RNF169: variants seen among roughly 807,000 people sequenced by gnomAD.
RNF169 encodes ring finger protein 169, also known as E3 ubiquitin-protein ligase RNF169.
Under a neutral mutation model 53.9 loss-of-function variants are expected in RNF169, and 24 were observed. The ratio of observed to expected loss-of-function variants is 0.45; its 90% CI spans 0.32 to 0.63. RNF169 has a LOEUF of 0.63. Ranked by LOEUF, RNF169 falls within the 20% of genes least tolerant of loss-of-function variation. The pLI is 0.04. For missense variants in RNF169, 883 were observed against 906.2 expected (o/e 0.97, Z 0.33); for synonymous variants, 396 against 363.5 (o/e 1.09, Z -1.02).
chr11:74,824,916 A>C (rs2036070664), intron 4 of RNF169, among the ~76,000 whole-genome samples: 1 of 152,216 alleles, frequency 6.6e-6, no homozygotes, highest in South Asian at 2.1e-4. Flanking sequence ...TAAGAGGAGG[A>C]GATTGGGAGA....
intron 1 of RNF169, among the ~76,000 whole-genome samples, chr11:74,759,127 T>G (rs1267103970): frequency 8.5e-6 from 1 of 117,190 alleles, no homozygotes; most frequent in Admixed American, 1.0e-4. Context: ...TGTTGGTGTA[T>G]AAGAATGCTT....
chr11:74,841,046 T>C lies in RNF169; in HGVS notation c.*4316T>C, dbSNP rs2036458357. 6.6e-6 allele frequency: 1 copy of C among 152,112 alleles called. No homozygotes were observed. The highest frequency in any genetic ancestry group is 1.9e-4 in the East Asian group (1 of 5,196). The allele number at this position is 152,112 out of a possible 1,614,324, so 9.4% of individuals were successfully genotyped here. The stretch of plus-strand genomic sequence containing the variant: ...GCTCAGGTAGAGAAAGTCTCCATAG[T>C]ATAAGTAAGTAATATGAATGTGGAA... On this transcript the variant is annotated 3_prime_UTR_variant, in exon 6 of 6. Coordinates refer to ENST00000299563, the MANE Select transcript of RNF169 (RefSeq NM_001098638.2).
At chr11:74,835,003 GAC>G (rs1467535302) in intron 5 of RNF169, among the ~76,000 whole-genome samples, 1 of 151,908 alleles carries the variant, frequency 6.6e-6, no homozygotes, top group Non-Finnish European at 1.5e-5. Context: ...TTTTTTAAGA[GAC>G]AGAGTCTCAC....
Position 74,840,545 on chromosome 11 carries a change from A to G in RNF169, c.*3815A>G, listed in dbSNP as rs1347413735. The G allele has an allele frequency of 6.6e-6, 1 of 152,198 alleles. No individual in the cohort carries two copies. The highest frequency in any genetic ancestry group is 1.5e-5 in the Non-Finnish European group (1 of 68,040). The allele number at this position is 152,198 out of a possible 1,614,324, so 9.4% of individuals were successfully genotyped here. On this transcript the variant is annotated 3_prime_UTR_variant, in exon 6 of 6. Coordinates refer to ENST00000299563, the MANE Select transcript of RNF169 (RefSeq NM_001098638.2). ...GTGAGGTGGGTTGTGGATCACTGAC[A>G]TGGTCAGGGGAGGCCCACACCTCAA...
At chr11:74,788,551 C>G (rs1410667677) in intron 1 of RNF169, among the ~76,000 whole-genome samples, 1 of 152,078 alleles carries the variant, frequency 6.6e-6, no homozygotes, top group Non-Finnish European at 1.5e-5. Flanking sequence ...CACCACCACA[C>G]CCAGCTAATT....
chr11:74,817,778 T>C (rs1006427790), intron 4 of RNF169, 64 bp downstream of exon 4: 2 of 993,982 alleles, frequency 2.0e-6, no homozygotes, highest in African/African-American at 3.2e-5. Flanking sequence ...TAAAAGGGAC[T>C]GGGGGAGCAA....
rs773233398 is a variant in RNF169 at position 74,835,855 on chromosome 11, C to T, written c.1252C>T (p.Leu418=). ...AACTCCACGCAACCTAAACAGAAGCCTGCAGAAGCAGACTTCTTATGAGGC... is the reference window on the plus strand; with the variant it reads ...AACTCCACGCAACCTAAACAGAAGCTTGCAGAAGCAGACTTCTTATGAGGC... ...KSTPRNLNRS[L]QKQTSYEASP... is the part of the protein sequence containing the mutation. The change falls in exon 6 of 6, where the codon CTG becomes TTG. Residue 418 remains leucine (L), a synonymous_variant. Coordinates refer to ENST00000299563, the MANE Select transcript of RNF169 (RefSeq NM_001098638.2). The T allele has an allele frequency of 1.7e-5, 28 of 1,614,166 alleles. No individual in the cohort carries two copies. The highest frequency in any genetic ancestry group is 2.3e-5 in the Non-Finnish European group (27 of 1,180,026).
At chr11:74,835,047 A>G (rs1034057787) in intron 5 of RNF169, among the ~76,000 whole-genome samples, 6 of 152,124 alleles carry the variant, frequency 3.9e-5, no homozygotes, top group Non-Finnish European at 7.4e-5. Flanking sequence ...CAGTGGTGCA[A>G]CCATAGCTCA....
At chr11:74,753,572 C>G (rs2034934974) in intron 1 of RNF169, among the ~76,000 whole-genome samples, 1 of 152,064 alleles carries the variant, frequency 6.6e-6, no homozygotes, top group East Asian at 1.9e-4. Flanking sequence ...ACTTTTGTAC[C>G]AGCCTAATAG....
chr11:74,833,163 G>A (rs1413086028), intron 4 of RNF169, among the ~76,000 whole-genome samples: 3 of 152,142 alleles, frequency 2.0e-5, no homozygotes, highest in Admixed American at 2.0e-4. Flanking sequence ...AGAAATACTG[G>A]AATAGAAGCC....
At chr11:74,776,854 G>A (rs1324482985) in intron 1 of RNF169, among the ~76,000 whole-genome samples, 2 of 152,204 alleles carry the variant, frequency 1.3e-5, no homozygotes, top group Non-Finnish European at 2.9e-5. Flanking sequence ...GCATATCTAG[G>A]AATAGGGAGA....
At chr11:74,764,252 C>T (rs756681937) in intron 1 of RNF169, among the ~76,000 whole-genome samples, 3 of 152,198 alleles carry the variant, frequency 2.0e-5, no homozygotes, top group African/African-American at 4.8e-5. Flanking sequence ...AGAGTAAGGG[C>T]GCTGGGTGCG....
At chr11:74,831,363 A>G (rs933298578) in intron 4 of RNF169, 2 of 152,208 alleles carry the variant, frequency 1.3e-5, no homozygotes, top group Non-Finnish European at 2.9e-5. Flanking sequence ...GAACAACCCA[A>G]AAAGGTAACT....
chr11:74,788,483 C>T (rs2035537143), intron 1 of RNF169, among the ~76,000 whole-genome samples: 1 of 152,238 alleles, frequency 6.6e-6, no homozygotes, highest in Non-Finnish European at 1.5e-5. Flanking sequence ...ACTTCTGCCT[C>T]CTGGGTTCAA....
rs2035368010 is a variant in RNF169 at position 74,778,434 on chromosome 11, C to T, written c.503-11192C>T. 2.0e-5 allele frequency among the ~76,000 whole-genome samples: 3 copies of T among 152,176 alleles called. No individual in the cohort carries two copies. The South Asian group carries it at 6.2e-4, about 32-fold the overall frequency. On this transcript the variant is annotated intron_variant, in intron 1 of 5. Coordinates refer to ENST00000299563, the MANE Select transcript of RNF169 (RefSeq NM_001098638.2). ...TTTTTCCAGTATGTTATTGCTGTTT[C>T]TGTGTTTAATGGTTTTTCTTGTTTG...
chr11:74,749,217 TGGGCCCGCCGTC>T lies in RNF169; in HGVS notation c.346_357del (p.Arg116_Arg119del), dbSNP rs2034843841. On this transcript the variant is annotated inframe_deletion, in exon 1 of 6. Coordinates refer to ENST00000299563, the MANE Select transcript of RNF169 (RefSeq NM_001098638.2). ...TCGCTGCCGCGCCCGCGGCCCAGGCTGGGCCCGCCGTCGGGCCCGCGACGACGGCCAGGCCGA... is the reference window on the plus strand; with the variant it reads ...TCGCTGCCGCGCCCGCGGCCCAGGCTGGGCCCGCGACGACGGCCAGGCCGA... 10 of 1,089,344 alleles carry T rather than the reference TGGGCCCGCCGTC, an allele frequency of 9.2e-6. No homozygotes were observed. Among genetic ancestry groups the T allele is most frequent in the Non-Finnish European group, 1.1e-5 (10 of 899,690 alleles). The allele number at this position is 1,089,344 out of a possible 1,614,324, so 67.5% of individuals were successfully genotyped here. A position where few individuals can be genotyped will look rare whatever the true frequency, so the allele number is the denominator to read the frequency against.
At position 74,835,667 on chromosome 11, in the gene RNF169, C is replaced by T. The variant is rs1482860160; in HGVS notation, c.1064C>T (p.Ser355Leu). 1.2e-6 allele frequency: 2 copies of T among 1,614,060 alleles called. No individual in the cohort carries two copies. The highest frequency in any genetic ancestry group is 2.2e-5 in the East Asian group (1 of 44,894). The change falls in exon 6 of 6, where the codon TCA (serine) becomes TTA (leucine). Residue 355 changes from serine (S) to leucine (L), a missense_variant. By Grantham distance (145) the Ser-to-Leu change is moderately radical. This residue lies in a region of RNF169 where 219 missense variants were observed against 289.1 expected (regional missense o/e 0.76). Transcript: ENST00000299563. ...AAGCGTCTACCCTTCAGCTCCCTTTCATCCTTGGCTTCCCTGCATAAGCCA... is the reference window on the plus strand; with the variant it reads ...AAGCGTCTACCCTTCAGCTCCCTTTTATCCTTGGCTTCCCTGCATAAGCCA... ...IEKRLPFSSLSSLASLHKPER... is the reference protein window; with the variant it reads ...IEKRLPFSSLLSLASLHKPER...
intron 2 of RNF169, among the ~76,000 whole-genome samples, chr11:74,804,536 A>G (rs1352392044): frequency 1.3e-5 from 2 of 152,202 alleles, no homozygotes; most frequent in African/African-American, 2.4e-5. Flanking sequence ...CGCCACTGCA[A>G]CCACTATCAC....
At chr11:74,815,581 T>A (rs1262077600) in intron 3 of RNF169, among the ~76,000 whole-genome samples, 5 of 152,190 alleles carry the variant, frequency 3.3e-5, no homozygotes, top group Admixed American at 6.5e-5. Flanking sequence ...TTGGCATATA[T>A]CTGTTATAAA....
Sources: gnomAD v4.1 joint callset for allele counts (sites outside exome capture counted in the v4.1 genomes callset) on GRCh38, gnomAD v4.1.1 for gene constraint, gnomAD v4.1.1 regional missense constraint, MANE v1.5 for transcripts, NCBI Gene and HGNC (gene_info 2026-07-23, HGNC 2026-07-21) for gene names.